The following PPP2R3A variants were observed in gnomAD, a reference collection of about 807,000 sequenced individuals.
PPP2R3A encodes protein phosphatase 2 regulatory subunit B''alpha, also known as serine/threonine-protein phosphatase 2A regulatory subunit B'' subunit alpha.
Under a neutral mutation model 106.9 loss-of-function variants are expected in PPP2R3A, and 80 were observed. That is an observed-to-expected ratio of 0.75 (90% confidence interval 0.62 to 0.90). The LOEUF (loss-of-function observed/expected upper bound fraction) is 0.90. Ranked by LOEUF, PPP2R3A falls within the 40% of genes least tolerant of loss-of-function variation. The probability of loss-of-function intolerance (pLI) is 0.00; values close to 1 mark genes in which losing one functional copy is unlikely to be tolerated. For synonymous variants in PPP2R3A, 483 were observed against 468.3 expected, an observed-to-expected ratio of 1.03 and a Z score of -0.41; for missense variants, 1,386 against 1,350.4, an observed-to-expected ratio of 1.03 and a Z score of -0.41.
At chr3:136,015,464 A>AT (rs971648964) in intron 2 of PPP2R3A, among the ~76,000 whole-genome samples, 3 of 148,588 alleles carry the variant, frequency 2.0e-5, no homozygotes, top group Admixed American at 6.7e-5. Context: ...TTTGTTGGCA[A>AT]TTTTTTTTTA....
intron 10 of PPP2R3A, among the ~76,000 whole-genome samples, chr3:136,097,321 A>G (rs917172023): frequency 6.6e-6 from 1 of 152,220 alleles, no homozygotes; most frequent in Non-Finnish European, 1.5e-5. Flanking sequence ...TAAACTTTTC[A>G]GGGACAAGTA....
intron 2 of PPP2R3A, among the ~76,000 whole-genome samples, chr3:136,022,109 A>C (rs944594884): frequency 6.6e-6 from 1 of 152,178 alleles, no homozygotes; most frequent in Non-Finnish European, 1.5e-5. Context: ...AGGTATTTTA[A>C]AAATCTTAAC....
At position 136,102,100 on chromosome 3, in the gene PPP2R3A, G is replaced by A. The variant is rs1937377316; in HGVS notation, c.3021G>A (p.Arg1007=). 1 of 1,613,934 alleles carries A rather than the reference G, an allele frequency of 6.2e-7. No individual in the cohort carries two copies. The highest frequency in any genetic ancestry group is 1.3e-5 in the African/African-American group (1 of 74,910). ...LEYFYEEQCE[R]MEAMGIEPLP... ...ACTTCTATGAGGAGCAGTGTGAACG[G>A]ATGGAAGCCATGGGAATTGAGCCCT... The change falls in exon 11 of 14, where the codon CGG becomes CGA. Residue 1007 remains arginine, a synonymous_variant. Transcript: ENST00000264977.
intron 5 of PPP2R3A, among the ~76,000 whole-genome samples, chr3:136,052,252 G>A (rs1935710284): frequency 6.6e-6 from 1 of 152,178 alleles, no homozygotes; most frequent in Non-Finnish European, 1.5e-5. Context: ...CTCTCTTGCT[G>A]ACTAGCTTTT....
intron 1 of PPP2R3A, among the ~76,000 whole-genome samples, chr3:135,977,685 A>ATTTT (rs1474837710): frequency 3.9e-5 from 4 of 102,684 alleles, no homozygotes; most frequent in South Asian, 3.1e-4. Context: ...TCTGATCAGC[A>ATTTT]TTCTTTTTTT....
rs961223158 is a variant in PPP2R3A at position 136,011,974 on chromosome 3, T to TACAC, written c.1995+8497_1995+8500dup. The stretch of plus-strand genomic sequence containing the variant: ...CCCACCCACAATTACTGAGAAATCA[T>TACAC]ACACACACACACACACACATACACA... On this transcript the variant is annotated intron_variant, in intron 2 of 13. Coordinates refer to ENST00000264977, the MANE Select transcript of PPP2R3A (RefSeq NM_002718.5). Among the ~76,000 whole-genome samples, 365 of 136,622 alleles carry TACAC rather than the reference T, an allele frequency of 2.7e-3. 1 individual carries two copies. The highest frequency in any genetic ancestry group is 0.01 in the African/African-American group (331 of 32,316). The allele number at this position is 136,622 out of a possible 152,430, so 89.6% of individuals were successfully genotyped here. A position where few individuals can be genotyped will look rare whatever the true frequency, so the allele number is the denominator to read the frequency against.
At chr3:136,029,507 T>C (rs892143454) in intron 3 of PPP2R3A, among the ~76,000 whole-genome samples, 2 of 151,936 alleles carry the variant, frequency 1.3e-5, no homozygotes, top group Non-Finnish European at 2.9e-5. Context: ...AAAAAGAATA[T>C]AGTCAAGGCA....
At chr3:136,032,690 A>G (rs976266478) in intron 3 of PPP2R3A, among the ~76,000 whole-genome samples, 1 of 151,870 alleles carries the variant, frequency 6.6e-6, no homozygotes, top group African/African-American at 2.4e-5. Context: ...ACCCACCACC[A>G]TGCCCAGCTA....
chr3:136,006,966 T>C (rs564672456), intron 2 of PPP2R3A, among the ~76,000 whole-genome samples: 1 of 152,348 alleles, frequency 6.6e-6, no homozygotes, highest in African/African-American at 2.4e-5. Context: ...CAATAAGGGA[T>C]AGAGAGTAAG....
intron 4 of PPP2R3A, among the ~76,000 whole-genome samples, chr3:136,041,269 T>G (rs1935275866): frequency 7.6e-6 from 1 of 132,384 alleles, no homozygotes; most frequent in African/African-American, 2.8e-5. Flanking sequence ...TTTGTTTTTT[T>G]TTTTTTGAGA....
intron 13 of PPP2R3A, among the ~76,000 whole-genome samples, chr3:136,136,081 T>A (rs80347117): frequency 3.0e-4 from 15 of 50,830 alleles, no homozygotes; most frequent in Admixed American, 7.0e-4. Context: ...AAATTATATA[T>A]ATATATATAT....
chr3:136,030,761 C>CACATATATAT (rs1934842610), intron 3 of PPP2R3A, among the ~76,000 whole-genome samples: 1 of 100,382 alleles, frequency 1.0e-5, no homozygotes, highest in African/African-American at 4.3e-5. Context: ...TATTCCATCA[C>CACATATATAT]ATATATATAT....
chr3:136,100,286 G>A lies in PPP2R3A; in HGVS notation c.2928-1721G>A, dbSNP rs144218466. Among the ~76,000 whole-genome samples, 968 of 152,124 alleles carry A rather than the reference G, an allele frequency of 6.4e-3. 14 individuals are homozygous for A. Among genetic ancestry groups the A allele is most frequent in the African/African-American group, 0.022 (920 of 41,504 alleles). ...GCACTTTGGGAGGCCAAGACAGGAG[G>A]ATCCCTTGAGGCCAGGAGTTCGAGA... On this transcript the variant is annotated intron_variant, in intron 10 of 13. Coordinates refer to ENST00000264977, the MANE Select transcript of PPP2R3A (RefSeq NM_002718.5).
chr3:135,997,376 CTTG>C (rs1933443904), intron 1 of PPP2R3A, among the ~76,000 whole-genome samples: 1 of 152,112 alleles, frequency 6.6e-6, no homozygotes, highest in African/African-American at 2.4e-5. Flanking sequence ...TCCTGGTTTT[CTTG>C]TTATCTTTTT....
intron 1 of PPP2R3A, among the ~76,000 whole-genome samples, chr3:135,978,044 A>T (rs977423070): frequency 2.0e-5 from 3 of 152,168 alleles, no homozygotes; most frequent in East Asian, 1.9e-4. Flanking sequence ...TAATATTTTT[A>T]AAACTGTATG....
At chr3:135,978,168 G>A (rs1937472218) in intron 1 of PPP2R3A, among the ~76,000 whole-genome samples, 1 of 152,106 alleles carries the variant, frequency 6.6e-6, no homozygotes, top group African/African-American at 2.4e-5. Context: ...AGAAACATCA[G>A]CCAAGCATGC....
At chr3:136,000,337 A>G (rs1197276296) in intron 1 of PPP2R3A, among the ~76,000 whole-genome samples, 1 of 152,242 alleles carries the variant, frequency 6.6e-6, no homozygotes, top group Non-Finnish European at 1.5e-5. Flanking sequence ...TTGACGGAAT[A>G]AATACATTGA....
chr3:136,074,761 G>A (rs752696078), intron 6 of PPP2R3A, among the ~76,000 whole-genome samples: 5 of 152,190 alleles, frequency 3.3e-5, no homozygotes, highest in Admixed American at 1.3e-4. Flanking sequence ...TCCTTGTGGA[G>A]GGCAAGGTAC....
intron 5 of PPP2R3A, among the ~76,000 whole-genome samples, chr3:136,064,609 C>T (rs544628435): frequency 6.6e-6 from 1 of 151,890 alleles, no homozygotes; most frequent in East Asian, 1.9e-4. Context: ...TTTCTAATTT[C>T]ATGAAAAAAA....
Sources: allele counts gnomAD v4.1 joint callset (sites outside exome capture counted in the v4.1 genomes callset), GRCh38; gene constraint gnomAD v4.1.1; transcripts MANE v1.5; gene names NCBI Gene and HGNC (gene_info 2026-07-23, HGNC 2026-07-21).